The following NBEAL1 variants were observed in gnomAD, a reference collection of about 807,000 sequenced individuals.
The protein encoded by NBEAL1 is neurobeachin like 1, also known as neurobeachin-like protein 1.
Under a neutral mutation model 351.3 loss-of-function variants are expected in NBEAL1, and 273 were observed. The observed-to-expected ratio is 0.78, with a 90% CI of 0.70 to 0.86. NBEAL1 has a LOEUF of 0.86. NBEAL1 is among the 40% of genes least tolerant of loss of function. The probability of loss-of-function intolerance (pLI) is 0.00; values close to 1 mark genes in which losing one functional copy is unlikely to be tolerated. For missense variants in NBEAL1, 2,961 were observed against 3,201.3 expected, an observed-to-expected ratio of 0.92 and a Z score of 1.81; for synonymous variants, 1,050 against 1,086.4, an observed-to-expected ratio of 0.97 and a Z score of 0.66.
intron 36 of NBEAL1, among the ~76,000 whole-genome samples, chr2:203,164,530 AT>A (rs1559028476): frequency 6.6e-6 from 1 of 152,136 alleles, no homozygotes; most frequent in East Asian, 1.9e-4. Context: ...GTCATTTAAT[AT>A]AAATAACCCT....
intron 38 of NBEAL1, 124 bp from the exon 39 acceptor site, chr2:203,169,621 AAC>A (rs2106405003): frequency 2.0e-6 from 1 of 507,698 alleles, no homozygotes; most frequent in Non-Finnish European, 3.5e-6. Context: ...AACAAAACAA[AAC>A]ACACAACACT....
chr2:203,072,149 C>T (rs2061694199), intron 7 of NBEAL1, among the ~76,000 whole-genome samples: 1 of 152,230 alleles, frequency 6.6e-6, no homozygotes. Context: ...GAATTGCTTT[C>T]AGAGTTTTTC....
rs2105733363 is a variant in NBEAL1, at chr2:203,180,485, T to G, written c.6568T>G (p.Phe2190Val). 1 of 1,611,124 alleles carries G rather than the reference T, an allele frequency of 6.2e-7. No individual in the cohort carries two copies. Among genetic ancestry groups the G allele is most frequent in the East Asian group, 2.2e-5 (1 of 44,746 alleles). Reference protein sequence around the residue: ...VKELIPEFFYFPEFLENQNQF... With the variant: ...VKELIPEFFYVPEFLENQNQF... Reference sequence around the variant, plus strand: ...AGAACTTATTCCTGAATTCTTCTATTTCCCAGAGTTTTTGGAAAATCAAAA... The same window carrying G: ...AGAACTTATTCCTGAATTCTTCTATGTCCCAGAGTTTTTGGAAAATCAAAA... The change falls in exon 43 of 56, where the codon TTC (phenylalanine) becomes GTC (valine). Residue 2190 changes from phenylalanine to valine, a missense_variant. By Grantham distance (50) the Phe-to-Val change is conservative. Transcript: ENST00000683969.
At chr2:203,165,748 G>GATTT (rs1358225096) in intron 36 of NBEAL1, among the ~76,000 whole-genome samples, 1 of 152,082 alleles carries the variant, frequency 6.6e-6, no homozygotes, top group Non-Finnish European at 1.5e-5. Context: ...ACAGATAAGT[G>GATTT]ATTTATATTT....
At chr2:203,128,698 A>C (rs1053743209) in intron 24 of NBEAL1, among the ~76,000 whole-genome samples, 5 of 151,418 alleles carry the variant, frequency 3.3e-5, no homozygotes, top group African/African-American at 9.7e-5. Flanking sequence ...CCCAGGTTCA[A>C]GTGATTCTCC....
At chr2:203,152,664 CT>C (rs1218442201) in intron 35 of NBEAL1, among the ~76,000 whole-genome samples, 1 of 152,034 alleles carries the variant, frequency 6.6e-6, no homozygotes, top group Non-Finnish European at 1.5e-5. Context: ...TTTAGGAAGC[CT>C]TTCCTTTATA....
chr2:203,185,986 T>A (rs536230878), intron 44 of NBEAL1, among the ~76,000 whole-genome samples: 24 of 152,314 alleles, frequency 1.6e-4, no homozygotes, highest in Non-Finnish European at 3.4e-4. Flanking sequence ...TCCTCCTACA[T>A]GCAAAATATA....
Position 203,169,867 on chromosome 2 carries a change from A to G in NBEAL1, c.6102+16A>G, listed in dbSNP as rs756222799. ...ATTGACACAGGTAGGAAATTGTAAT[A>G]GTCTCTAATGAACTGTTCTGCTCTT... On this transcript the variant is annotated intron_variant, in intron 39 of 55. Coordinates refer to ENST00000683969, the MANE Select transcript of NBEAL1 (RefSeq NM_001378026.1). 2.1e-6 allele frequency: 3 copies of G among 1,418,402 alleles called. No individual in the cohort carries two copies. Among genetic ancestry groups the G allele is most frequent in the Non-Finnish European group, 3.0e-6 (3 of 1,012,600 alleles). The allele number at this position is 1,418,402 out of a possible 1,614,324, so 87.9% of individuals were successfully genotyped here. A position where few individuals can be genotyped will look rare whatever the true frequency, so the allele number is the denominator to read the frequency against.
chr2:203,215,687 C>CA (rs1346803113), intron 55 of NBEAL1, among the ~76,000 whole-genome samples: 167 of 107,340 alleles, frequency 1.6e-3, no homozygotes, highest in Middle Eastern at 0.01. Flanking sequence ...GACTCCATCT[C>CA]AAAAAAAAAA....
chr2:203,051,147 A>G (rs1286038269), intron 4 of NBEAL1, among the ~76,000 whole-genome samples: 2 of 152,144 alleles, frequency 1.3e-5, no homozygotes, highest in African/African-American at 4.8e-5. Context: ...TTGCTAAAAC[A>G]TTTCACCCCT....
At chr2:203,019,207 T>G (rs2060728657) in intron 2 of NBEAL1, among the ~76,000 whole-genome samples, 1 of 152,204 alleles carries the variant, frequency 6.6e-6, no homozygotes, top group Non-Finnish European at 1.5e-5. Context: ...TGGGTTGTTT[T>G]GGGTGTGAAG....
chr2:203,209,749 T>TGTG (rs1553507784), intron 53 of NBEAL1, among the ~76,000 whole-genome samples: 2 of 27,020 alleles, frequency 7.4e-5, no homozygotes, highest in African/African-American at 7.0e-5. Flanking sequence ...GTGTGTGTAT[T>TGTG]TTTTTCTGAG....
intron 31 of NBEAL1, among the ~76,000 whole-genome samples, chr2:203,141,037 A>G (rs1344370400): frequency 6.6e-6 from 1 of 151,924 alleles, no homozygotes; most frequent in Non-Finnish European, 1.5e-5. Flanking sequence ...TTATACACAT[A>G]GATGTTCATT....
rs1280171595 is a variant in NBEAL1 at position 203,168,924 on chromosome 2, A to G, written c.5998-823A>G. Among the ~76,000 whole-genome samples the G allele has an allele frequency of 2.0e-5, 3 of 148,620 alleles. No homozygotes were observed. The East Asian group carries it at 5.9e-4, about 29-fold the overall frequency. On this transcript the variant is annotated intron_variant, in intron 38 of 55. Coordinates refer to ENST00000683969, the MANE Select transcript of NBEAL1 (RefSeq NM_001378026.1). ...AAAAAAAAAAAAAAAGGCAATTTCC[A>G]TTATTCCTTTTTTAATAGTTAAAGA...
intron 2 of NBEAL1, among the ~76,000 whole-genome samples, chr2:203,028,990 C>T (rs2060905928): frequency 1.3e-5 from 2 of 152,066 alleles, no homozygotes; most frequent in African/African-American, 4.8e-5. Context: ...GAAACACCTG[C>T]ATCAGAAACT....
intron 39 of NBEAL1, among the ~76,000 whole-genome samples, chr2:203,171,331 A>G (rs2064312583): frequency 6.6e-6 from 1 of 152,058 alleles, no homozygotes; most frequent in Non-Finnish European, 1.5e-5. Flanking sequence ...TATTCTGGGC[A>G]TGGTGGCATA....
chr2:203,135,974 C>G lies in NBEAL1; in HGVS notation c.4111C>G (p.Pro1371Ala), dbSNP rs553856656. The G allele has an allele frequency of 3.1e-6, 5 of 1,613,742 alleles. No homozygotes were observed. The highest frequency in any genetic ancestry group is 2.7e-5 in the African/African-American group (2 of 74,888). The change falls in exon 28 of 56, where the codon CCA (proline) becomes GCA (alanine). Residue 1371 changes from proline to alanine, a missense_variant. Coordinates refer to ENST00000683969, the MANE Select transcript of NBEAL1 (RefSeq NM_001378026.1). ...EDRHSLDSNT[P>A]LFPEDSSVGE... The stretch of plus-strand genomic sequence containing the variant: ...TAGACACTCTTTAGACTCAAACACA[C>G]CATTATTTCCAGAAGATAGCTCTGT...
chr2:203,074,328 T>C (rs1306134113), intron 7 of NBEAL1, among the ~76,000 whole-genome samples: 2 of 143,872 alleles, frequency 1.4e-5, no homozygotes, highest in Non-Finnish European at 1.5e-5. Context: ...TTTTTTTTTT[T>C]TTTTTTTTTT....
intron 2 of NBEAL1, among the ~76,000 whole-genome samples, chr2:203,019,813 T>C (rs1170534395): frequency 6.6e-6 from 1 of 152,136 alleles, no homozygotes; most frequent in Non-Finnish European, 1.5e-5. Context: ...AAAAGAACGC[T>C]AATGGAATAT....
Sources: allele counts gnomAD v4.1 joint callset (sites outside exome capture counted in the v4.1 genomes callset), GRCh38; gene constraint gnomAD v4.1.1; transcripts MANE v1.5; gene names NCBI Gene and HGNC (gene_info 2026-07-23, HGNC 2026-07-21).